The following CELF2 variants were observed in gnomAD, a reference collection of about 807,000 sequenced individuals.
CELF2 encodes the protein CUG triplet repeat RNA-binding protein 2.
A neutral mutation model predicts 62.6 loss-of-function variants in CELF2; 8 were observed. That is an observed-to-expected ratio of 0.13 (90% CI 0.07 to 0.23). The LOEUF is 0.23. CELF2 is among the 10% of genes least tolerant of loss of function. The pLI, the probability that CELF2 is intolerant of heterozygous loss-of-function variation, is 1.00. For synonymous variants in CELF2, 258 were observed against 250.0 expected (o/e 1.03, Z -0.30); for missense variants, 333 against 671.0 (o/e 0.50, Z 5.56).
intron 1 of CELF2, among the ~76,000 whole-genome samples, chr10:10,846,967 GT>G (rs2059055647): frequency 6.6e-6 from 1 of 152,082 alleles, no homozygotes. Flanking sequence ...CCGGCCTAAG[GT>G]TAAGAAAGGC....
chr10:10,491,857 T>A, the CELF2 span, among the ~76,000 whole-genome samples: 342 of 152,334 alleles, frequency 2.2e-3, 1 homozygote, highest in Non-Finnish European at 3.9e-3. Context: ...GCATTTGTTG[T>A]TACATACAAG....
At chr10:10,700,257 G>A in the CELF2 span, among the ~76,000 whole-genome samples, 1 of 152,204 alleles carries the variant, frequency 6.6e-6, no homozygotes, top group Non-Finnish European at 1.5e-5. Context: ...AACATGAGCA[G>A]CCCCAGGGAA....
intron 1 of CELF2, among the ~76,000 whole-genome samples, chr10:11,150,258 C>T (rs1021824939): frequency 1.3e-5 from 2 of 151,864 alleles, no homozygotes; most frequent in Non-Finnish European, 2.9e-5. Context: ...ACAGGTATCA[C>T]GCTTTTTGTG....
intron 2 of CELF2, among the ~76,000 whole-genome samples, chr10:11,179,132 T>C (rs1357700302): frequency 1.3e-5 from 2 of 152,240 alleles, no homozygotes; most frequent in African/African-American, 4.8e-5. Flanking sequence ...TTTTTAATGC[T>C]TTCGCTTCTT....
chr10:11,306,798 T>C lies in CELF2; in HGVS notation c.977-7341T>C, dbSNP rs2140331115. ...CTACTGGGACCGTCTAAGAACAGCG[T>C]AGTAAGAAGTGAGAAATTATGTCCA... is the stretch of plus-strand genomic sequence containing the variant. On this transcript the variant is annotated intron_variant, in intron 9 of 12. Coordinates refer to ENST00000633077, the MANE Select transcript of CELF2 (RefSeq NM_001326342.2). The surrounding 1 kb of genome is among the most constrained non-coding windows in gnomAD (Gnocchi z 4.4). Among the ~76,000 whole-genome samples the C allele has an allele frequency of 6.6e-6, 1 of 152,168 alleles. No homozygotes were observed. Among genetic ancestry groups the C allele is most frequent in the East Asian group, 1.9e-4 (1 of 5,160 alleles).
the CELF2 span, among the ~76,000 whole-genome samples, chr10:10,601,274 G>A: frequency 6.6e-6 from 1 of 152,178 alleles, no homozygotes; most frequent in African/African-American, 2.4e-5. Context: ...GGAATGGAGG[G>A]AAATACAAAG....
intron 1 of CELF2, among the ~76,000 whole-genome samples, chr10:11,054,505 G>GTGTGTGTGTGTGTA (rs1460606507): frequency 4.3e-5 from 6 of 139,292 alleles, no homozygotes; most frequent in African/African-American, 1.8e-4. Context: ...GTGTGTGTGT[G>GTGTGTGTGTGTGTA]TGTGTGTGTG....
rs903911614 is a variant in CELF2 at position 11,244,059 on chromosome 10, A to G, written c.355-5094A>G. On this transcript the variant is annotated intron_variant, in intron 3 of 12. Transcript: ENST00000633077. The surrounding 1 kb of genome is among the most constrained non-coding windows in gnomAD (Gnocchi z 4.2). ...CCTGCAGGCATGTGCAGGGCACAGC[A>G]TGAGATCCTGCCTCCAGCCCCATCT... is the stretch of plus-strand genomic sequence containing the variant. Among the ~76,000 whole-genome samples, 12 of 152,190 alleles carry G rather than the reference A, an allele frequency of 7.9e-5. No individual in the cohort carries two copies. The highest frequency in any genetic ancestry group is 2.9e-4 in the African/African-American group (12 of 41,448).
the CELF2 span, among the ~76,000 whole-genome samples, chr10:10,494,202 T>A: frequency 6.6e-6 from 1 of 152,228 alleles, no homozygotes; most frequent in African/African-American, 2.4e-5. Flanking sequence ...TCACTCTCTC[T>A]CCAGTTTATG....
intron 1 of CELF2, among the ~76,000 whole-genome samples, chr10:11,050,033 G>A (rs943715634): frequency 1.3e-5 from 2 of 152,196 alleles, no homozygotes; most frequent in African/African-American, 4.8e-5. Flanking sequence ...GGCCTTCTGG[G>A]GCAGGCAGTA....
intron 4 of CELF2, among the ~76,000 whole-genome samples, chr10:11,257,048 C>T (rs11257034): frequency 0.29 from 44,090 of 151,892 alleles, 6,803 homozygotes; most frequent in Non-Finnish European, 0.35. Context: ...TCCTGTTGAG[C>T]GGTAACTAAC....
intron 1 of CELF2, among the ~76,000 whole-genome samples, chr10:11,133,722 G>A (rs758981078): frequency 4.6e-5 from 7 of 152,104 alleles, no homozygotes; most frequent in South Asian, 2.1e-4. Context: ...TTCCTGTGGC[G>A]GCCCTTCCCA....
At chr10:10,697,332 A>C in the CELF2 span, among the ~76,000 whole-genome samples, 1 of 152,152 alleles carries the variant, frequency 6.6e-6, no homozygotes, top group South Asian at 2.1e-4. Flanking sequence ...CAGCTCTTGA[A>C]TGACAAGCTG....
the CELF2 span, among the ~76,000 whole-genome samples, chr10:10,648,495 G>T: frequency 6.6e-6 from 1 of 152,220 alleles, no homozygotes; most frequent in Admixed American, 6.5e-5. Flanking sequence ...AGGAAGGGTT[G>T]CAGTAGGTAA....
chr10:11,242,586 G>A lies in CELF2; in HGVS notation c.355-6567G>A, dbSNP rs763109762. 7.2e-5 allele frequency among the ~76,000 whole-genome samples: 11 copies of A among 152,204 alleles called. No individual in the cohort carries two copies. The highest frequency in any genetic ancestry group is 2.6e-4 in the Admixed American group (4 of 15,286). On this transcript the variant is annotated intron_variant, in intron 3 of 12. Coordinates refer to ENST00000633077, the MANE Select transcript of CELF2 (RefSeq NM_001326342.2). The surrounding 1 kb of genome is among the most constrained non-coding windows in gnomAD (Gnocchi z 4.8). ...AGCTGTTGGCAGAGCTGTGTGCAGC[G>A]CTCTGTGCATGCACTTACCCCTCAG...
At chr10:10,545,576 G>A in the CELF2 span, among the ~76,000 whole-genome samples, 1 of 152,090 alleles carries the variant, frequency 6.6e-6, no homozygotes, top group Non-Finnish European at 1.5e-5. Context: ...CAAATAAAAT[G>A]GTGCTTTATT....
At chr10:11,064,453 C>T (rs1444935251) in intron 1 of CELF2, among the ~76,000 whole-genome samples, 1 of 152,126 alleles carries the variant, frequency 6.6e-6, no homozygotes, top group Admixed American at 6.5e-5. Context: ...GAACAGTAAC[C>T]TTCAAGTTTA....
At position 11,008,205 on chromosome 10, in the gene CELF2, T is replaced by G. The variant is rs1449780025; in HGVS notation, c.53+2765T>G. ...TAACAAATGTTGGAGGAAAGTTTAA[T>G]TCTAAGCCCAGACATGCAGAAAAAT... is the stretch of plus-strand genomic sequence containing the variant. On this transcript the variant is annotated intron_variant, in intron 1 of 12. Transcript: ENST00000416382. The surrounding 1 kb of genome is among the most constrained non-coding windows in gnomAD (Gnocchi z 4.5). 6.6e-6 allele frequency among the ~76,000 whole-genome samples: 1 copy of G among 152,196 alleles called. No homozygotes were observed. The highest frequency in any genetic ancestry group is 2.4e-5 in the African/African-American group (1 of 41,450).
chr10:10,538,702 G>A, the CELF2 span, among the ~76,000 whole-genome samples: 1 of 152,092 alleles, frequency 6.6e-6, no homozygotes, highest in African/African-American at 2.4e-5. Context: ...CTGGAATAAC[G>A]TTGGAACCAT....
Sources: gnomAD v4.1 joint callset for allele counts (sites outside exome capture counted in the v4.1 genomes callset) on GRCh38, gnomAD v4.1.1 for gene constraint, Gnocchi (gnomAD v3.1) non-coding constraint, MANE v1.5 for transcripts, NCBI Gene and HGNC (gene_info 2026-07-23, HGNC 2026-07-21) for gene names.